TPRG1: variants seen among roughly 807,000 people sequenced by gnomAD.
TPRG1 encodes the protein tumor protein p63 regulated 1.
A neutral mutation model predicts 29.3 loss-of-function variants in TPRG1; 29 were observed. The observed-to-expected ratio is 0.99, with a 90% CI of 0.74 to 1.35. The LOEUF is 1.35. TPRG1 is among the 40% of genes most tolerant of loss of function. TPRG1 has a pLI of 0.00. For missense variants in TPRG1, 327 were observed against 335.0 expected, an observed-to-expected ratio of 0.98 and a Z score of 0.19; for synonymous variants, 130 against 116.8, an observed-to-expected ratio of 1.11 and a Z score of -0.73.
At chr3:189,104,905 C>T (rs1336387435) in intron 1 of TPRG1, among the ~76,000 whole-genome samples, 1 of 152,152 alleles carries the variant, frequency 6.6e-6, no homozygotes, top group African/African-American at 2.4e-5. Context: ...CCATCCCCAT[C>T]AGCTTTGAAA....
rs1276279502 is a variant in TPRG1 at position 189,324,522 on chromosome 3, G to A, written c.*3702G>A. 6.6e-6 allele frequency: 1 copy of A among 152,082 alleles called. No individual in the cohort carries two copies. Among genetic ancestry groups the A allele is most frequent in the African/African-American group, 2.4e-5 (1 of 41,436 alleles). 9.4% of individuals were successfully genotyped at this position (152,082 alleles called of 1,614,324 possible). A position where few individuals can be genotyped will look rare whatever the true frequency, so the allele number is the denominator to read the frequency against. ...CAGAAATTGCCATCATTTTCTTAAA[G>A]GCTAAGGACACTTATAGAGCTCTCC... On this transcript the variant is annotated 3_prime_UTR_variant, in exon 6 of 6. Coordinates refer to ENST00000345063, the MANE Select transcript of TPRG1 (RefSeq NM_198485.4).
chr3:189,189,941 T>A (rs1438743326), intron 1 of TPRG1, among the ~76,000 whole-genome samples: 2 of 152,172 alleles, frequency 1.3e-5, no homozygotes, highest in Non-Finnish European at 2.9e-5. Flanking sequence ...AGGAATAATA[T>A]GAAGTAGAAA....
chr3:189,076,361 C>T (rs930791356), intron 4 of TPRG1, among the ~76,000 whole-genome samples: 9 of 152,142 alleles, frequency 5.9e-5, no homozygotes, highest in African/African-American at 2.2e-4. Context: ...CTCTGGCCCT[C>T]AGTTTTATCT....
chr3:189,032,482 T>A (rs1452827149), intron 4 of TPRG1, among the ~76,000 whole-genome samples: 1 of 152,196 alleles, frequency 6.6e-6, no homozygotes, highest in African/African-American at 2.4e-5. Flanking sequence ...ATACACTAGA[T>A]AAATTATTTC....
chr3:189,275,826 T>C (rs1716040496), intron 4 of TPRG1, among the ~76,000 whole-genome samples: 1 of 152,070 alleles, frequency 6.6e-6, no homozygotes. Context: ...CACACACAGA[T>C]TTTGCCATGC....
intron 4 of TPRG1, among the ~76,000 whole-genome samples, chr3:189,308,494 A>G (rs1411983282): frequency 2.0e-5 from 3 of 152,204 alleles, no homozygotes; most frequent in African/African-American, 7.2e-5. Flanking sequence ...CCACCCTTGG[A>G]GTGATAACTT....
At chr3:189,037,316 A>G (rs1714335781) in intron 4 of TPRG1, among the ~76,000 whole-genome samples, 1 of 151,882 alleles carries the variant, frequency 6.6e-6, no homozygotes, top group African/African-American at 2.4e-5. Context: ...GATTTACCTC[A>G]GTAACATAAG....
chr3:189,068,554 A>T (rs1422576229), intron 4 of TPRG1, among the ~76,000 whole-genome samples: 1 of 152,200 alleles, frequency 6.6e-6, no homozygotes, highest in East Asian at 1.9e-4. Context: ...AGGTGGGTGG[A>T]TCACTAGGTC....
intron 1 of TPRG1, among the ~76,000 whole-genome samples, chr3:189,104,679 C>A (rs1449954528): frequency 1.3e-5 from 2 of 151,878 alleles, no homozygotes; most frequent in Non-Finnish European, 2.9e-5. Context: ...TCTACTGTTT[C>A]ACGAGTTAAG....
chr3:189,200,498 A>C (rs941923351), intron 1 of TPRG1, among the ~76,000 whole-genome samples: 2 of 152,166 alleles, frequency 1.3e-5, no homozygotes, highest in Non-Finnish European at 2.9e-5. Flanking sequence ...TAACCCCTTC[A>C]TGGGGGTAGA....
chr3:189,273,087 A>G (rs1351542654), intron 4 of TPRG1, among the ~76,000 whole-genome samples: 1 of 152,144 alleles, frequency 6.6e-6, no homozygotes, highest in Non-Finnish European at 1.5e-5. Context: ...TCTAGTTAGA[A>G]TGTGTTGAGG....
At chr3:189,261,162 G>A (rs1488967518) in intron 4 of TPRG1, among the ~76,000 whole-genome samples, 2 of 152,184 alleles carry the variant, frequency 1.3e-5, no homozygotes, top group African/African-American at 4.8e-5. Context: ...CCCAAGGGTT[G>A]CATAACTCCA....
At chr3:189,209,810 A>G (rs1284260392) in intron 2 of TPRG1, among the ~76,000 whole-genome samples, 2 of 152,212 alleles carry the variant, frequency 1.3e-5, no homozygotes, top group Non-Finnish European at 2.9e-5. Context: ...ATCGAAAACA[A>G]TCTTAAGTTC....
chr3:189,226,739 A>G (rs527712345), intron 3 of TPRG1, among the ~76,000 whole-genome samples: 1 of 151,624 alleles, frequency 6.6e-6, no homozygotes, highest in East Asian at 1.9e-4. Flanking sequence ...AAATTAACAA[A>G]ACAAAAAGTT....
chr3:189,096,502 G>A (rs1297382396), upstream of TPRG1, among the ~76,000 whole-genome samples: 3 of 152,216 alleles, frequency 2.0e-5, no homozygotes, highest in African/African-American at 4.8e-5. Context: ...CTGATACCAA[G>A]AGATTGATCT....
At chr3:189,113,609 G>A (rs1720813219) in intron 1 of TPRG1, among the ~76,000 whole-genome samples, 1 of 152,040 alleles carries the variant, frequency 6.6e-6, no homozygotes, top group Non-Finnish European at 1.5e-5. Flanking sequence ...TTTGTCAAAG[G>A]CCTTTTCTGC....
At chr3:189,052,545 T>C (rs7618968) in intron 4 of TPRG1, among the ~76,000 whole-genome samples, 49 of 152,128 alleles carry the variant, frequency 3.2e-4, no homozygotes, top group Non-Finnish European at 6.3e-4. Flanking sequence ...ATTCCTTAAA[T>C]AACTGAAAGT....
chr3:189,265,874 A>G (rs568034924), intron 4 of TPRG1, among the ~76,000 whole-genome samples: 1 of 152,286 alleles, frequency 6.6e-6, no homozygotes, highest in South Asian at 2.1e-4. Context: ...TACTGTTCAC[A>G]TTTGGCCTTC....
In TPRG1 at chr3:189,080,388, G is replaced by A. The variant is rs1012302913; in HGVS notation, c.-462-46669G>A. On this transcript the variant is annotated intron_variant, in intron 4 of 10. Coordinates refer to the TPRG1 transcript ENST00000433971. The stretch of plus-strand genomic sequence containing the variant: ...CCACAGTAGCTGAAGCCATAGAAGA[G>A]ACATAGCCATTACTGCAGACACTGC... Among the ~76,000 whole-genome samples the A allele has an allele frequency of 3.3e-5, 5 of 152,286 alleles. No homozygotes were observed. In the South Asian group the frequency reaches 8.3e-4, roughly 25 times the overall value.
Sources: allele counts gnomAD v4.1 joint callset (sites outside exome capture counted in the v4.1 genomes callset), GRCh38; gene constraint gnomAD v4.1.1; transcripts MANE v1.5; gene names NCBI Gene and HGNC (gene_info 2026-07-23, HGNC 2026-07-21).